Variants in TENM1 observed in about 807,000 individuals in gnomAD.
TENM1 encodes teneurin-1.
TENM1 carries 35 observed loss-of-function variants against 174.8 expected under a neutral mutation model. The ratio of observed to expected loss-of-function variants is 0.20; its 90% CI spans 0.15 to 0.27. TENM1 has a LOEUF of 0.27. Ranked by LOEUF, TENM1 falls within the 10% of genes least tolerant of loss-of-function variation. The probability of loss-of-function intolerance (pLI) is 1.00; values close to 1 mark genes in which losing one functional copy is unlikely to be tolerated. For synonymous variants in TENM1, 781 were observed against 798.7 expected (o/e 0.98, Z 0.37); for missense variants, 1,633 against 2,130.1 (o/e 0.77, Z 4.59).
intron 11 of TENM1, among the ~76,000 whole-genome samples, chrX:124,586,951 G>C (rs1267996775): frequency 9.0e-6 from 1 of 110,748 alleles, no homozygotes; most frequent in African/African-American, 3.3e-5. Flanking sequence ...GCTTCAAAGA[G>C]AATAAAATAC....
the TENM1 span, among the ~76,000 whole-genome samples, chrX:125,010,436 A>C: frequency 9.1e-6 from 1 of 110,403 alleles, no homozygotes; most frequent in South Asian, 3.9e-4. Flanking sequence ...CAATATCTTG[A>C]AAATGGCCAT....
chrX:124,528,929 C>A (rs932935272), intron 16 of TENM1, among the ~76,000 whole-genome samples: 1 of 111,118 alleles, frequency 9.0e-6, no homozygotes, highest in African/African-American at 3.3e-5. Flanking sequence ...AAAAATAAAT[C>A]CGGCACAGCC....
chrX:124,751,986 T>C (rs2054085481), intron 3 of TENM1, among the ~76,000 whole-genome samples: 1 of 110,946 alleles, frequency 9.0e-6, no homozygotes, highest in Non-Finnish European at 1.9e-5. Context: ...GCATGATTTA[T>C]AGTCCTTTGG....
At chrX:124,704,940 C>T in intron 5 of TENM1, 73 bp downstream of exon 8, 1 of 796,972 alleles carries the variant, frequency 1.3e-6, no homozygotes, top group Non-Finnish European at 1.8e-6. Flanking sequence ...GAGAGAAAAA[C>T]CCCCCATTCC....
chrX:124,895,570 T>C (rs2057548745), intron 2 of TENM1, among the ~76,000 whole-genome samples: 1 of 111,886 alleles, frequency 8.9e-6, no homozygotes, highest in Non-Finnish European at 1.9e-5. Context: ...AGTAAGCACA[T>C]ACAGAATATG....
chrX:124,431,902 A>G (rs1204295765), intron 23 of TENM1, among the ~76,000 whole-genome samples: 3 of 112,081 alleles, frequency 2.7e-5, no homozygotes, highest in Non-Finnish European at 5.6e-5. Context: ...TGGCTTCCCA[A>G]TTAGAGTAAC....
intron 3 of TENM1, among the ~76,000 whole-genome samples, chrX:124,828,116 C>T (rs2056208810): frequency 9.0e-6 from 1 of 111,575 alleles, no homozygotes; most frequent in Non-Finnish European, 1.9e-5. Flanking sequence ...GATGTTAAAA[C>T]TGAATATAAA....
intron 4 of TENM1, among the ~76,000 whole-genome samples, chrX:124,708,888 A>G (rs2052976158): frequency 9.0e-6 from 1 of 111,657 alleles, no homozygotes; most frequent in African/African-American, 3.3e-5. Flanking sequence ...TTTACAGGAT[A>G]ACACCAACCA....
chrX:124,736,257 T>C (rs142981247), intron 4 of TENM1, among the ~76,000 whole-genome samples: 17 of 112,122 alleles, frequency 1.5e-4, no homozygotes, highest in Admixed American at 5.6e-4. Flanking sequence ...TGATGAATAA[T>C]TTCTTTATTA....
the TENM1 span, among the ~76,000 whole-genome samples, chrX:125,200,229 G>A: frequency 2.2e-4 from 25 of 111,381 alleles, no homozygotes; most frequent in East Asian, 6.5e-3. Flanking sequence ...ACCTTTTAGG[G>A]GAAGGAAAAA....
At chrX:124,863,548 A>G (rs1284676283) in intron 3 of TENM1, among the ~76,000 whole-genome samples, 4 of 112,220 alleles carry the variant, frequency 3.6e-5, no homozygotes, top group African/African-American at 1.3e-4. Flanking sequence ...GAAAGGGGAA[A>G]GAAGAGTGGG....
chrX:124,555,141 T>C (rs2048665677), intron 14 of TENM1, among the ~76,000 whole-genome samples: 1 of 111,749 alleles, frequency 8.9e-6, no homozygotes, highest in South Asian at 3.8e-4. Context: ...CAATGTTCTG[T>C]ATGATCTGGC....
chrX:124,600,124 G>T (rs1461417200), intron 11 of TENM1, among the ~76,000 whole-genome samples: 1 of 110,279 alleles, frequency 9.1e-6, no homozygotes, highest in African/African-American at 3.3e-5. Flanking sequence ...CAATAGCAAT[G>T]AACACACCTA....
Position 124,831,986 on chromosome X carries a change from A to C in TENM1, c.535+62310T>G, listed in dbSNP as rs767521731. 7.2e-5 allele frequency among the ~76,000 whole-genome samples: 8 copies of C among 111,664 alleles called. No homozygotes were observed. In the East Asian group the frequency reaches 2.2e-3, roughly 31 times the overall value. ...TCGGCTGCTCTAGGGCTTTGCCGAGACACTAAAAAGTTTAGTTGCAGTGCA... is the reference window on the plus strand; with the variant it reads ...TCGGCTGCTCTAGGGCTTTGCCGAGCCACTAAAAAGTTTAGTTGCAGTGCA... On this transcript the variant is annotated intron_variant, in intron 3 of 31. Coordinates refer to ENST00000422452, the Ensembl canonical transcript of TENM1.
At chrX:125,082,669 T>A in the TENM1 span, among the ~76,000 whole-genome samples, 1 of 111,567 alleles carries the variant, frequency 9.0e-6, no homozygotes, top group African/African-American at 3.3e-5. Flanking sequence ...CCACTGACAA[T>A]CATAGCTAAC....
chrX:124,736,775 G>T (rs1194409895), intron 4 of TENM1, among the ~76,000 whole-genome samples, 182 bp downstream of exon 7: 2 of 112,074 alleles, frequency 1.8e-5, no homozygotes, highest in African/African-American at 6.5e-5. Flanking sequence ...CTAGATGTTT[G>T]TGTCTGTTTG....
chrX:124,629,528 T>C (rs918162869), intron 11 of TENM1, among the ~76,000 whole-genome samples: 1 of 112,628 alleles, frequency 8.9e-6, no homozygotes, highest in Non-Finnish European at 1.9e-5. Flanking sequence ...CTACAATCTA[T>C]CATTATAATT....
intron 3 of TENM1, among the ~76,000 whole-genome samples, chrX:124,774,733 T>C (rs1434705735): frequency 6.3e-5 from 7 of 111,738 alleles, no homozygotes; most frequent in Non-Finnish European, 1.3e-4. Flanking sequence ...ATGACTGTAC[T>C]AATACAGGCC....
At position 124,670,248 on chromosome X, in the gene TENM1, C is replaced by T. The variant is rs1276354027; in HGVS notation, c.1168+1435G>A. ...AACTATGTGATGACCTGCTGTCTTG[C>T]ATGTTTCATTTTCCTCAGACAGATA... On this transcript the variant is annotated intron_variant, in intron 6 of 31. Transcript: ENST00000422452. Among the ~76,000 whole-genome samples the T allele has an allele frequency of 2.7e-5, 3 of 112,230 alleles. No individual in the cohort carries two copies. The East Asian group carries it at 8.3e-4, about 31-fold the overall frequency.
Sources: allele counts gnomAD v4.1 joint callset (sites outside exome capture counted in the v4.1 genomes callset), GRCh38; gene constraint gnomAD v4.1.1; transcripts MANE v1.5; gene names NCBI Gene and HGNC (gene_info 2026-07-23, HGNC 2026-07-21).